FOXP2: variants seen among roughly 807,000 people sequenced by gnomAD.
FOXP2 encodes the protein forkhead box P2, also known as forkhead box protein P2.
In FOXP2, 12 loss-of-function variants were observed where a neutral mutation model predicts 115.8. The ratio of observed to expected loss-of-function variants is 0.10; its 90% CI spans 0.07 to 0.17. The LOEUF is 0.17. FOXP2 is among the 10% of genes least tolerant of loss of function. FOXP2 has a pLI of 1.00. For missense variants in FOXP2, 629 were observed against 843.5 expected, an observed-to-expected ratio of 0.75 and a Z score of 3.15; for synonymous variants, 328 against 297.7, an observed-to-expected ratio of 1.10 and a Z score of -1.05.
At chr7:114,144,858 A>G (rs1792323988) in intron 1 of FOXP2, among the ~76,000 whole-genome samples, 1 of 152,162 alleles carries the variant, frequency 6.6e-6, no homozygotes. Context: ...TCTTAAAATG[A>G]GTGTTATCAA....
chr7:114,403,201 A>G (rs1395089223), intron 2 of FOXP2, among the ~76,000 whole-genome samples: 1 of 152,218 alleles, frequency 6.6e-6, no homozygotes, highest in African/African-American at 2.4e-5. Context: ...ATTGAAATAC[A>G]TGCATAAAAA....
chr7:114,415,454 CT>C (rs979990288), intron 1 of FOXP2, 94 bp downstream of exon 1: 4,047 of 281,118 alleles, frequency 0.014, no homozygotes, highest in South Asian at 0.027. Flanking sequence ...AATTGCTTTA[CT>C]TTTTTTTTTT....
At chr7:114,490,576 AC>A (rs1262585853) in intron 2 of FOXP2, among the ~76,000 whole-genome samples, 6 of 152,028 alleles carry the variant, frequency 3.9e-5, no homozygotes, top group Admixed American at 3.9e-4. Flanking sequence ...ACATATGTAT[AC>A]ATGTGCCATG....
chr7:114,142,733 A>G (rs946936322), intron 1 of FOXP2, among the ~76,000 whole-genome samples: 2 of 152,092 alleles, frequency 1.3e-5, no homozygotes, highest in African/African-American at 4.8e-5. Context: ...CTCCATGTGG[A>G]TTAACTATTT....
intron 1 of FOXP2, among the ~76,000 whole-genome samples, chr7:114,127,425 A>G (rs758605675): frequency 1.1e-4 from 16 of 152,204 alleles, no homozygotes; most frequent in Admixed American, 9.8e-4. Flanking sequence ...TGGTCTGTCT[A>G]CCACAATGCC....
chr7:114,564,945 T>C (rs552662328), intron 3 of FOXP2, among the ~76,000 whole-genome samples: 1 of 151,814 alleles, frequency 6.6e-6, no homozygotes, highest in African/African-American at 2.4e-5. Flanking sequence ...GTGGTTGTTA[T>C]ATCTTATTAA....
chr7:114,537,720 A>G (rs1293085498), intron 3 of FOXP2, among the ~76,000 whole-genome samples: 1 of 151,728 alleles, frequency 6.6e-6, no homozygotes, highest in Non-Finnish European at 1.5e-5. Flanking sequence ...CTTGAGTGCC[A>G]ATTGTAGTAG....
chr7:114,647,735 TTAGAG>T (rs1167502368), intron 8 of FOXP2, among the ~76,000 whole-genome samples: 3 of 152,042 alleles, frequency 2.0e-5, no homozygotes, highest in Non-Finnish European at 4.4e-5. Flanking sequence ...TGACAAAACT[TTAGAG>T]TAGTTTGTCT....
chr7:114,311,087 A>T (rs1283186360), intron 2 of FOXP2, among the ~76,000 whole-genome samples: 8 of 152,042 alleles, frequency 5.3e-5, no homozygotes, highest in Non-Finnish European at 7.4e-5. Flanking sequence ...GGTGTTTTCT[A>T]TATATTAGGA....
At chr7:114,198,053 C>T (rs984687851) in intron 1 of FOXP2, among the ~76,000 whole-genome samples, 2 of 151,822 alleles carry the variant, frequency 1.3e-5, no homozygotes, top group Admixed American at 6.6e-5. Context: ...TTGGTAGAGA[C>T]GGGGTTCTCC....
intron 2 of FOXP2, among the ~76,000 whole-genome samples, chr7:114,366,874 G>T (rs1488490487): frequency 1.3e-5 from 2 of 151,764 alleles, no homozygotes; most frequent in African/African-American, 4.8e-5. Context: ...TATTTCAGTT[G>T]ATTCAGGGGA....
At chr7:114,609,356 C>T (rs1484030523) in intron 3 of FOXP2, among the ~76,000 whole-genome samples, 1 of 151,998 alleles carries the variant, frequency 6.6e-6, no homozygotes, top group African/African-American at 2.4e-5. Context: ...AATGATCGTT[C>T]CATGCTTAAT....
At position 114,653,804 on chromosome 7, in the gene FOXP2, G is replaced by T. The variant is rs11765385; in HGVS notation, c.1183-122G>T. On this transcript the variant is annotated intron_variant, in intron 9 of 16. Transcript: ENST00000350908. ...TCCTCCCAGATAAGTTCCTCCTGAC[G>T]CAGACTTTTACATGCAGGAATCATT... is the stretch of plus-strand genomic sequence containing the variant. 0.1 allele frequency: 115,402 copies of T among 1,102,330 alleles called. 9,367 individuals carry two copies. Among genetic ancestry groups the T allele is most frequent in the East Asian group, 0.39 (16,283 of 41,384 alleles). 68.3% of individuals were successfully genotyped at this position (1,102,330 alleles called of 1,614,324 possible). A position where few individuals can be genotyped will look rare whatever the true frequency, so the allele number is the denominator to read the frequency against.
Position 114,415,292 on chromosome 7 carries a change from T to A in FOXP2, c.-79T>A. Reference sequence around the variant, plus strand: ...TGCTGGCTTTTTTGAATCTTCCTAATTTTTCATCTCTTTAACAAACTCCTA... The same window carrying A: ...TGCTGGCTTTTTTGAATCTTCCTAAATTTTCATCTCTTTAACAAACTCCTA... On this transcript the variant is annotated 5_prime_UTR_variant, in exon 1 of 17. Coordinates refer to ENST00000350908, the MANE Select transcript of FOXP2 (RefSeq NM_014491.4). 2.2e-6 allele frequency: 1 copy of A among 453,662 alleles called. No homozygotes were observed. Among genetic ancestry groups the A allele is most frequent in the South Asian group, 1.6e-5 (1 of 64,446 alleles). The allele number at this position is 453,662 out of a possible 1,614,324, so 28.1% of individuals were successfully genotyped here.
At chr7:114,434,336 A>T (rs1794243681) in intron 2 of FOXP2, among the ~76,000 whole-genome samples, 1 of 151,394 alleles carries the variant, frequency 6.6e-6, no homozygotes, top group Admixed American at 6.6e-5. Flanking sequence ...GTTCTAGTTA[A>T]CATAATGCCT....
intron 1 of FOXP2, among the ~76,000 whole-genome samples, chr7:114,166,218 A>G (rs912328495): frequency 1.3e-5 from 2 of 152,188 alleles, no homozygotes; most frequent in Non-Finnish European, 2.9e-5. Flanking sequence ...TTTAGATACA[A>G]CATCAAAAAT....
At chr7:114,144,002 A>G (rs1792295242) in intron 1 of FOXP2, among the ~76,000 whole-genome samples, 3 of 152,030 alleles carry the variant, frequency 2.0e-5, no homozygotes, top group South Asian at 4.1e-4. Flanking sequence ...TTGAGTTTTG[A>G]TCTTTGCCCA....
At position 114,692,595 on chromosome 7, in the gene FOXP2, C is replaced by T. The variant is rs1004687819; in HGVS notation, c.*2669C>T. 3.5e-5 allele frequency: 16 copies of T among 451,546 alleles called. No homozygotes were observed. The highest frequency in any genetic ancestry group is 6.6e-5 in the Non-Finnish European group (15 of 225,998). 28.0% of individuals were successfully genotyped at this position (451,546 alleles called of 1,614,324 possible). A position where few individuals can be genotyped will look rare whatever the true frequency, so the allele number is the denominator to read the frequency against. ...TTGCTTGCTAGTAATAGCAAATCTG[C>T]TTTTCTGCATCTGCTTTGCGTAGCT... On this transcript the variant is annotated 3_prime_UTR_variant, in exon 17 of 17. Coordinates refer to ENST00000350908, the MANE Select transcript of FOXP2 (RefSeq NM_014491.4).
chr7:114,437,764 G>A (rs1159700298), intron 2 of FOXP2, among the ~76,000 whole-genome samples: 1 of 152,140 alleles, frequency 6.6e-6, no homozygotes, highest in Non-Finnish European at 1.5e-5. Context: ...TCATGTCCTT[G>A]TAGACCGACC....
Sources: gnomAD v4.1 joint callset for allele counts (sites outside exome capture counted in the v4.1 genomes callset) on GRCh38, gnomAD v4.1.1 for gene constraint, MANE v1.5 for transcripts, NCBI Gene and HGNC (gene_info 2026-07-23, HGNC 2026-07-21) for gene names.